Variants in SH3D19 observed in about 807,000 individuals in gnomAD.
The protein encoded by SH3D19 is SH3 domain containing 19, also known as SH3 domain-containing protein 19.
SH3D19 carries 58 observed loss-of-function variants against 112.1 expected under a neutral mutation model. The ratio of observed to expected loss-of-function variants is 0.52; its 90% CI spans 0.42 to 0.64. The LOEUF (loss-of-function observed/expected upper bound fraction) is 0.64, where lower values mean the gene tolerates loss of function less well. Among genes scored for constraint, SH3D19 ranks in the 30% least tolerant of loss-of-function variants. SH3D19 has a pLI of 0.00. For missense variants in SH3D19, 1,090 were observed against 1,263.4 expected (o/e 0.86, Z 2.08); for synonymous variants, 391 against 448.5 (o/e 0.87, Z 1.62).
intron 1 of SH3D19, chr4:151,262,993 A>C (rs977233858): frequency 8.5e-5 from 13 of 152,168 alleles, no homozygotes; most frequent in African/African-American, 3.1e-4. Flanking sequence ...GTAAAGTGAC[A>C]GTTGAGAATG....
At chr4:151,284,088 T>C (rs1561430477) in intron 1 of SH3D19, among the ~76,000 whole-genome samples, 1 of 152,208 alleles carries the variant, frequency 6.6e-6, no homozygotes, top group Non-Finnish European at 1.5e-5. Context: ...TCACTGAGTT[T>C]TTGGTTTTTT....
intron 1 of SH3D19, among the ~76,000 whole-genome samples, chr4:151,312,081 C>T (rs1434840532): frequency 6.6e-6 from 1 of 151,854 alleles, no homozygotes; most frequent in Non-Finnish European, 1.5e-5. Context: ...GGTGATGGAT[C>T]CTTTAATTAG....
intron 1 of SH3D19, among the ~76,000 whole-genome samples, chr4:151,257,644 C>A (rs956043908): frequency 6.6e-6 from 1 of 152,018 alleles, no homozygotes; most frequent in African/African-American, 2.4e-5. Flanking sequence ...TGGCTGGGTG[C>A]GGTGGCTCAA....
chr4:151,255,059 G>A (rs6850547), intron 1 of SH3D19, among the ~76,000 whole-genome samples: 12,691 of 148,090 alleles, frequency 0.086, 667 homozygotes, highest in East Asian at 0.19. Flanking sequence ...CGGACGGGGC[G>A]GCTGGCCGGG....
At chr4:151,324,350 T>C (rs748268274) in intron 1 of SH3D19, among the ~76,000 whole-genome samples, 7 of 152,224 alleles carry the variant, frequency 4.6e-5, no homozygotes, top group Non-Finnish European at 7.3e-5. Flanking sequence ...TATTCCACTT[T>C]ATAATGAGGC....
intron 3 of SH3D19, among the ~76,000 whole-genome samples, chr4:151,186,511 G>A (rs1451361595): frequency 6.6e-6 from 1 of 152,122 alleles, no homozygotes; most frequent in African/African-American, 2.4e-5. Context: ...TTGGCTCACT[G>A]CAACCTCCAC....
chr4:151,286,358 A>G (rs1307081810), intron 1 of SH3D19, among the ~76,000 whole-genome samples: 1 of 151,228 alleles, frequency 6.6e-6, no homozygotes, highest in Non-Finnish European at 1.5e-5. Flanking sequence ...AGCTAAACTG[A>G]GCAAGAAAAA....
intron 1 of SH3D19, among the ~76,000 whole-genome samples, chr4:151,281,004 C>A (rs75880111): frequency 2.3e-3 from 349 of 152,020 alleles, no homozygotes; most frequent in African/African-American, 8.0e-3. Flanking sequence ...ATCTGCTCCA[C>A]CAAAATAAAG....
At chr4:151,145,421 TC>T (rs1753746777) in intron 11 of SH3D19, among the ~76,000 whole-genome samples, 1 of 152,088 alleles carries the variant, frequency 6.6e-6, no homozygotes, top group Non-Finnish European at 1.5e-5. Context: ...GTTATGTTCC[TC>T]CCCAGGACAA....
At chr4:151,249,830 A>C (rs1379233532) in intron 1 of SH3D19, among the ~76,000 whole-genome samples, 2 of 152,214 alleles carry the variant, frequency 1.3e-5, no homozygotes, top group Non-Finnish European at 2.9e-5. Context: ...GTCTTAAATT[A>C]AATTTTGGAG....
At position 151,240,096 on chromosome 4, in the gene SH3D19, C is replaced by T. The variant is rs192546399; in HGVS notation, c.113-14010G>A. Among the ~76,000 whole-genome samples, 4 of 108,338 alleles carry T rather than the reference C, an allele frequency of 3.7e-5. No individual in the cohort carries two copies. The Admixed American group carries it at 4.4e-4, about 12-fold the overall frequency. The allele number at this position is 108,338 out of a possible 152,430, so 71.1% of individuals were successfully genotyped here. On this transcript the variant is annotated intron_variant, in intron 1 of 19. Transcript: ENST00000604030. ...CTTGGGCAACATACGGAGATCCTAT[C>T]GCTACCAAAAGAAATTTTTTTTAAT... is the stretch of plus-strand genomic sequence containing the variant.
At chr4:151,193,028 A>G (rs1410632897) in intron 2 of SH3D19, among the ~76,000 whole-genome samples, 1 of 152,026 alleles carries the variant, frequency 6.6e-6, no homozygotes, top group Non-Finnish European at 1.5e-5. Flanking sequence ...TCTCAAGGAG[A>G]AAGAATGTGT....
At chr4:151,160,152 T>A (rs779175852) in intron 8 of SH3D19, among the ~76,000 whole-genome samples, 5 of 150,776 alleles carry the variant, frequency 3.3e-5, no homozygotes, top group Non-Finnish European at 7.4e-5. Flanking sequence ...AGTGGTGCAA[T>A]CTCGGCTCAC....
At chr4:151,275,843 TTATTA>T (rs1336441191) in intron 1 of SH3D19, among the ~76,000 whole-genome samples, 653 of 37,604 alleles carry the variant, frequency 0.017, 5 homozygotes, top group Middle Eastern at 0.048. Flanking sequence ...ATTATTATTA[TTATTA>T]TTTTTTTTTT....
chr4:151,180,261 TG>T (rs1172485888), intron 3 of SH3D19, among the ~76,000 whole-genome samples: 1 of 152,202 alleles, frequency 6.6e-6, no homozygotes, highest in African/African-American at 2.4e-5. Context: ...CACATATTAT[TG>T]TATATGCAGC....
chr4:151,174,991 G>C lies in SH3D19; in HGVS notation c.1213C>G (p.Leu405Val). The C allele has an allele frequency of 6.2e-7, 1 of 1,614,210 alleles. No homozygotes were observed. The highest frequency in any genetic ancestry group is 8.5e-7 in the Non-Finnish European group (1 of 1,180,028). Residue 405 changes from leucine (L) to valine (V), a missense_variant, in exon 7 of 20, where the codon CTG becomes GTG. Transcript: ENST00000604030. ...VNPEIPGRGP[L>V]AESSDSGKKV... ...TTCCCACTATCAGAGCTCTCAGCCA[G>C]GGGCCCTCTTCCCGGAATCTCAGGA...
chr4:151,134,971 G>A (rs980062273), intron 15 of SH3D19, 103 bp downstream of exon 15: 2 of 922,516 alleles, frequency 2.2e-6, no homozygotes, highest in Non-Finnish European at 3.4e-6. Flanking sequence ...ACAGGTCTGA[G>A]CCACCATGCC....
At chr4:151,139,548 T>C (rs1441276735) in intron 13 of SH3D19, among the ~76,000 whole-genome samples, 1 of 152,218 alleles carries the variant, frequency 6.6e-6, no homozygotes, top group Non-Finnish European at 1.5e-5. Context: ...TCTCTTTCTC[T>C]TTCTCAGGGA....
intron 3 of SH3D19, 39 bp from the exon 4 acceptor site, chr4:151,179,436 G>A (rs546203993): frequency 6.0e-6 from 7 of 1,176,454 alleles, no homozygotes; most frequent in Non-Finnish European, 7.5e-6. Context: ...TACAAAATTA[G>A]TATGTTTGGT....
Sources: allele counts gnomAD v4.1 joint callset (sites outside exome capture counted in the v4.1 genomes callset), GRCh38; gene constraint gnomAD v4.1.1; transcripts MANE v1.5; gene names NCBI Gene and HGNC (gene_info 2026-07-23, HGNC 2026-07-21).